Variants in LBR observed in about 807,000 individuals in gnomAD.
LBR encodes delta(14)-sterol reductase LBR.
LBR carries 28 observed loss-of-function variants against 74.3 expected under a neutral mutation model. The observed-to-expected ratio is 0.38, with a 90% CI of 0.28 to 0.52. The LOEUF (loss-of-function observed/expected upper bound fraction) is 0.52, where lower values mean the gene tolerates loss of function less well. Among genes scored for constraint, LBR ranks in the 20% least tolerant of loss-of-function variants. The pLI, the probability that LBR is intolerant of heterozygous loss-of-function variation, is 0.89. For synonymous variants in LBR, 228 were observed against 269.3 expected (o/e 0.85, Z 1.50); for missense variants, 717 against 760.3 (o/e 0.94, Z 0.67).
At chr1:225,411,750 T>C (rs1263500007) in intron 8 of LBR, among the ~76,000 whole-genome samples, 1 of 152,352 alleles carries the variant, frequency 6.6e-6, no homozygotes, top group Non-Finnish European at 1.5e-5. Flanking sequence ...GCGACATTTT[T>C]TTATATTGAA....
At chr1:225,421,106 A>G (rs545931140) in intron 3 of LBR, among the ~76,000 whole-genome samples, 3 of 152,382 alleles carry the variant, frequency 2.0e-5, no homozygotes, top group Non-Finnish European at 2.9e-5. Flanking sequence ...AAAATGATGT[A>G]GAAAAATACA....
chr1:225,419,381 T>C lies in LBR; in HGVS notation c.522A>G (p.Glu174=). Residue 174 remains glutamate (E), a synonymous_variant, in exon 5 of 14, where the codon GAA becomes GAG. Transcript: ENST00000272163. ...TQYSLRPRRE[E]VKLKEIDSKE... ...TAGAATCTATTTCTTTTAATTTGAC[T>C]TCTTCTCTTCTTGGACGAAGGCTAT... 1.2e-6 allele frequency: 2 copies of C among 1,613,944 alleles called. No individual in the cohort carries two copies. The highest frequency in any genetic ancestry group is 1.7e-6 in the Non-Finnish European group (2 of 1,179,782).
chr1:225,404,830 G>A lies in LBR; in HGVS notation c.1484-124C>T, dbSNP rs188461107. The A allele has an allele frequency of 2.1e-4, 159 of 743,466 alleles. No homozygotes were observed. In the African/African-American group the frequency reaches 2.5e-3, roughly 12 times the overall value. The allele number at this position is 743,466 out of a possible 1,614,324, so 46.1% of individuals were successfully genotyped here. A position where few individuals can be genotyped will look rare whatever the true frequency, so the allele number is the denominator to read the frequency against. On this transcript the variant is annotated intron_variant, in intron 11 of 13. Transcript: ENST00000272163. ...GGAAATTTCCAAAGCAGACTCCTAG[G>A]CTCAAGAGATCCTCCTGCTTCAGCC... is the stretch of plus-strand genomic sequence containing the variant.
At chr1:225,411,290 A>G in intron 9 of LBR, 47 bp downstream of exon 9, 1 of 1,317,258 alleles carries the variant, frequency 7.6e-7, no homozygotes, top group Non-Finnish European at 1.1e-6. Flanking sequence ...CTAGCAGTTA[A>G]TTAGACCTAT....
At chr1:225,414,258 T>C in intron 7 of LBR, 1 of 409,166 alleles carries the variant, frequency 2.4e-6, no homozygotes, top group Non-Finnish European at 5.0e-6. Flanking sequence ...AAACTATCTT[T>C]GGCTTCCCCT....
At chr1:225,405,819 A>T (rs914637494) in intron 11 of LBR, among the ~76,000 whole-genome samples, 10 of 152,268 alleles carry the variant, frequency 6.6e-5, no homozygotes, top group Non-Finnish European at 1.2e-4. Flanking sequence ...TGGACATCCA[A>T]ACCACTGGTG....
intron 4 of LBR, 24 bp downstream of exon 4, chr1:225,419,691 A>G: frequency 1.3e-6 from 2 of 1,552,896 alleles, no homozygotes; most frequent in Non-Finnish European, 1.8e-6. Flanking sequence ...AAAACAACCA[A>G]GATGAAAGGG....
chr1:225,424,101 T>C lies in LBR; in HGVS notation c.-14-12A>G. 2 of 1,607,892 alleles carry C rather than the reference T, an allele frequency of 1.2e-6. No individual in the cohort carries two copies. The highest frequency in any genetic ancestry group is 1.1e-5 in the South Asian group (1 of 90,970). On this transcript the variant is annotated splice_polypyrimidine_tract_variant and intron_variant, in intron 1 of 13. Coordinates refer to ENST00000272163, the MANE Select transcript of LBR (RefSeq NM_002296.4). ...TTTCTATAATTAACCTGAATAGTTT[T>C]AAAGAAAAAAATTTGAGTCAATACA...
rs12085130 is a variant in LBR at position 225,417,913 on chromosome 1, T to C, written c.837+71A>G. On this transcript the variant is annotated intron_variant, in intron 6 of 13. Coordinates refer to ENST00000272163, the MANE Select transcript of LBR (RefSeq NM_002296.4). ...CAAGAGGATCACTTGATCCCAGAAA[T>C]TGGAGACCCGCCTGGACAATATAGT... is the stretch of plus-strand genomic sequence containing the variant. 71,693 of 1,421,402 alleles carry C rather than the reference T, an allele frequency of 0.05. 2,009 individuals are homozygous for C. The highest frequency in any genetic ancestry group is 0.067 in the South Asian group (5,574 of 83,294). The allele number at this position is 1,421,402 out of a possible 1,614,324, so 88.0% of individuals were successfully genotyped here. A position where few individuals can be genotyped will look rare whatever the true frequency, so the allele number is the denominator to read the frequency against.
chr1:225,416,372 G>T (rs185057070), intron 6 of LBR, among the ~76,000 whole-genome samples: 1 of 152,116 alleles, frequency 6.6e-6, no homozygotes, highest in Non-Finnish European at 1.5e-5. Context: ...ATGCAGCCAC[G>T]TTTTACCCCA....
rs189381671 is a variant in LBR, at chr1:225,411,935, G to A, written c.1085-495C>T. Among the ~76,000 whole-genome samples the A allele has an allele frequency of 2.8e-3, 421 of 152,236 alleles. 1 individual carries two copies. The highest frequency in any genetic ancestry group is 9.7e-3 in the African/African-American group (404 of 41,536). The stretch of plus-strand genomic sequence containing the variant: ...AGCGATTCTCTTGCCTCAGCCTCCC[G>A]AGTAGATGGGATTATAGGTGTGCAC... On this transcript the variant is annotated intron_variant, in intron 8 of 13. Transcript: ENST00000272163.
intron 5 of LBR, among the ~76,000 whole-genome samples, chr1:225,418,397 A>T (rs934323723): frequency 2.1e-5 from 3 of 144,872 alleles, no homozygotes; most frequent in African/African-American, 2.5e-5. Flanking sequence ...AAATAAAAAT[A>T]AAAAAAAAAA....
At chr1:225,412,968 A>G (rs1391262632) in intron 7 of LBR, among the ~76,000 whole-genome samples, 1 of 152,240 alleles carries the variant, frequency 6.6e-6, no homozygotes, top group Non-Finnish European at 1.5e-5. Flanking sequence ...TCAGGCACAA[A>G]GTCAAATGGC....
intron 9 of LBR, among the ~76,000 whole-genome samples, chr1:225,410,893 G>A (rs113450662): frequency 2.6e-5 from 4 of 152,332 alleles, no homozygotes; most frequent in African/African-American, 9.6e-5. Context: ...AACCAATGCT[G>A]TCACTATGTT....
intron 3 of LBR, among the ~76,000 whole-genome samples, chr1:225,420,035 C>T (rs1330672479): frequency 1.3e-5 from 2 of 152,140 alleles, no homozygotes; most frequent in South Asian, 2.1e-4. Context: ...TGGCCAGGCA[C>T]GGTGGCTCAC....
At position 225,412,681 on chromosome 1, in the gene LBR, A is replaced by G. The variant is rs16844850; in HGVS notation, c.893-36T>C. On this transcript the variant is annotated intron_variant, in intron 7 of 13. Transcript: ENST00000272163. ...AAAAAAAAAAGGAAGTGGAAAATTAATATTAACCCAAGGCTCACATGAAAC... is the reference window on the plus strand; with the variant it reads ...AAAAAAAAAAGGAAGTGGAAAATTAGTATTAACCCAAGGCTCACATGAAAC... 0.049 allele frequency: 75,577 copies of G among 1,555,464 alleles called. 2,001 individuals are homozygous for G. The highest frequency in any genetic ancestry group is 0.056 in the South Asian group (4,748 of 85,228).
intron 5 of LBR, among the ~76,000 whole-genome samples, chr1:225,418,847 G>A (rs928589183): frequency 6.6e-6 from 1 of 152,092 alleles, no homozygotes; most frequent in East Asian, 1.9e-4. Context: ...GGCAGCCTCC[G>A]GGATCCCATT....
chr1:225,403,174 T>C lies in LBR; in HGVS notation c.*129A>G. The C allele has an allele frequency of 1.2e-6, 1 of 822,222 alleles. No individual in the cohort carries two copies. Among genetic ancestry groups the C allele is most frequent in the Non-Finnish European group, 2.0e-6 (1 of 489,300 alleles). 50.9% of individuals were successfully genotyped at this position (822,222 alleles called of 1,614,324 possible). ...GATCAACTACTCGGCTCCATAGTCC[T>C]GACTCAAAAAGAAAAAAAAAAGTAC... On this transcript the variant is annotated 3_prime_UTR_variant, in exon 14 of 14. Transcript: ENST00000272163.
At chr1:225,411,024 T>A (rs2096104162) in intron 9 of LBR, among the ~76,000 whole-genome samples, 1 of 152,168 alleles carries the variant, frequency 6.6e-6, no homozygotes, top group Non-Finnish European at 1.5e-5. Flanking sequence ...TAAAACTAGG[T>A]AAAATTTAAA....
Sources: allele counts gnomAD v4.1 joint callset (sites outside exome capture counted in the v4.1 genomes callset), GRCh38; gene constraint gnomAD v4.1.1; transcripts MANE v1.5; gene names NCBI Gene and HGNC (gene_info 2026-07-23, HGNC 2026-07-21).